Variants in SANBR observed in about 807,000 individuals in gnomAD.
SANBR encodes the protein SANT and BTB domain regulator of class switch recombination.
SANBR carries 77 observed loss-of-function variants against 101.8 expected under a neutral mutation model. That is an observed-to-expected ratio of 0.76 (90% confidence interval 0.63 to 0.91). The LOEUF is 0.91. Among genes scored for constraint, SANBR ranks in the 40% least tolerant of loss-of-function variants. The probability of loss-of-function intolerance (pLI) is 0.00; values close to 1 mark genes in which losing one functional copy is unlikely to be tolerated. For missense variants in SANBR, 875 were observed against 853.0 expected, an observed-to-expected ratio of 1.03 and a Z score of -0.32; for synonymous variants, 279 against 274.7, an observed-to-expected ratio of 1.02 and a Z score of -0.15.
Position 61,083,224 on chromosome 2 carries a change from G to A in SANBR, c.800G>A (p.Cys267Tyr). ...GTAGCTACCCCATGCAACATGAACTGTATTAATGCAAATCTTCTCACACGT... is the reference window on the plus strand; with the variant it reads ...GTAGCTACCCCATGCAACATGAACTATATTAATGCAAATCTTCTCACACGT... The part of the protein sequence containing the change: ...AIVATPCNMN[C>Y]INANLLTRIA... The change falls in exon 8 of 22, where the codon TGT becomes TAT. Residue 267 changes from cysteine to tyrosine, a missense_variant. Coordinates refer to ENST00000402291, the MANE Select transcript of SANBR (RefSeq NM_001129993.3). The A allele has an allele frequency of 6.2e-7, 1 of 1,610,512 alleles. No individual in the cohort carries two copies. The highest frequency in any genetic ancestry group is 8.5e-7 in the Non-Finnish European group (1 of 1,176,872).
At chr2:61,117,702 G>A (rs1479893197) in intron 19 of SANBR, among the ~76,000 whole-genome samples, 162 bp downstream of exon 19, 1 of 152,176 alleles carries the variant, frequency 6.6e-6, no homozygotes, top group East Asian at 1.9e-4. Flanking sequence ...TTCATTACTA[G>A]ACAACCCCAC....
chr2:61,098,948 G>C lies in SANBR; in HGVS notation c.1365+1096G>C, dbSNP rs146348328. Among the ~76,000 whole-genome samples, 806 of 152,318 alleles carry C rather than the reference G, an allele frequency of 5.3e-3. 2 individuals are homozygous for C. The highest frequency in any genetic ancestry group is 0.019 in the African/African-American group (785 of 41,574). On this transcript the variant is annotated intron_variant, in intron 12 of 21. Transcript: ENST00000402291. Reference sequence around the variant, plus strand: ...GGCCATAAATGTCTGTAATAGGCTGGTATGATTCAGCCATAGATGTCAAGG... The same window carrying C: ...GGCCATAAATGTCTGTAATAGGCTGCTATGATTCAGCCATAGATGTCAAGG...
chr2:61,129,007 A>T (rs1345756185), downstream of SANBR, among the ~76,000 whole-genome samples: 1 of 152,214 alleles, frequency 6.6e-6, no homozygotes, highest in Admixed American at 6.5e-5. Context: ...AAAGTGCTCA[A>T]AGAAAAATCT....
intron 8 of SANBR, among the ~76,000 whole-genome samples, chr2:61,085,087 C>A (rs1682349921): frequency 6.6e-6 from 1 of 152,090 alleles, no homozygotes; most frequent in Non-Finnish European, 1.5e-5. Context: ...CTTGGACATT[C>A]AAGTGGGATG....
intron 19 of SANBR, among the ~76,000 whole-genome samples, 183 bp downstream of exon 19, chr2:61,117,723 A>G (rs72809474): frequency 0.093 from 14,101 of 152,256 alleles, 848 homozygotes; most frequent in Middle Eastern, 0.17. Flanking sequence ...TGAATAATGT[A>G]TTATTTTATG....
At chr2:61,107,074 G>A (rs1257751085) in intron 14 of SANBR, among the ~76,000 whole-genome samples, 1 of 151,768 alleles carries the variant, frequency 6.6e-6, no homozygotes, top group Non-Finnish European at 1.5e-5. Context: ...AGGCTGAGGT[G>A]GGAAGATTGC....
At chr2:61,093,194 G>C (rs1363363013) in intron 11 of SANBR, 3 of 152,168 alleles carry the variant, frequency 2.0e-5, no homozygotes, top group Non-Finnish European at 2.9e-5. Context: ...CAATGGTGCT[G>C]TTAAACATTT....
At chr2:61,100,538 G>A (rs946431554) in intron 12 of SANBR, among the ~76,000 whole-genome samples, 1 of 152,174 alleles carries the variant, frequency 6.6e-6, no homozygotes, top group African/African-American at 2.4e-5. Flanking sequence ...TATTAATTTC[G>A]ACAAGAGGGA....
At chr2:61,134,120 T>C (rs1388357519) in intron 20 of SANBR, 1 of 1,613,968 alleles carries the variant, frequency 6.2e-7, no homozygotes, top group Non-Finnish European at 8.5e-7. Context: ...GTAGTGTTAT[T>C]ATCTGCTTTT....
At chr2:61,117,331 C>T (rs987065751) in intron 17 of SANBR, 26 bp from the exon 18 acceptor site, 53 of 1,607,272 alleles carry the variant, frequency 3.3e-5, no homozygotes, top group Non-Finnish European at 4.3e-5. Flanking sequence ...TCTAATTGGG[C>T]CTTAATGTTG....
chr2:61,121,877 C>A (rs1684343791), intron 21 of SANBR, among the ~76,000 whole-genome samples: 1 of 152,172 alleles, frequency 6.6e-6, no homozygotes, highest in Non-Finnish European at 1.5e-5. Context: ...ATTCATCCCA[C>A]TTATATTTGA....
intron 10 of SANBR, chr2:61,088,846 G>A: frequency 1.0e-6 from 1 of 970,470 alleles, no homozygotes; most frequent in Non-Finnish European, 1.2e-6. Flanking sequence ...TGAATTTCTA[G>A]CATATTTATA....
At chr2:61,078,849 G>C (rs950229172) in intron 6 of SANBR, among the ~76,000 whole-genome samples, 1 of 149,570 alleles carries the variant, frequency 6.7e-6, no homozygotes, top group Non-Finnish European at 1.5e-5. Context: ...GACCAGCCTG[G>C]CCAACATGGC....
Position 61,124,117 on chromosome 2 carries a change from T to C in SANBR, c.*1955T>C. Reference sequence around the variant, plus strand: ...CTCAATTTAAAACAAAAAAAGAATGTGTTTTTAATTTTGTTAATGTTTGTC... The same window carrying C: ...CTCAATTTAAAACAAAAAAAGAATGCGTTTTTAATTTTGTTAATGTTTGTC... On this transcript the variant is annotated 3_prime_UTR_variant, in exon 22 of 22. Coordinates refer to ENST00000402291, the MANE Select transcript of SANBR (RefSeq NM_001129993.3). 3.1e-6 allele frequency: 3 copies of C among 968,930 alleles called. No individual in the cohort carries two copies. The highest frequency in any genetic ancestry group is 3.7e-6 in the Non-Finnish European group (3 of 814,800). 60.0% of individuals were successfully genotyped at this position (968,930 alleles called of 1,614,324 possible).
At chr2:61,087,806 G>A (rs1036530746) in intron 8 of SANBR, among the ~76,000 whole-genome samples, 7 of 151,424 alleles carry the variant, frequency 4.6e-5, no homozygotes, top group African/African-American at 1.5e-4. Flanking sequence ...AGCAGAGATC[G>A]TGCTGTTGAA....
intron 19 of SANBR, 43 bp from the exon 20 acceptor site, chr2:61,117,984 AT>A: frequency 1.4e-6 from 2 of 1,432,122 alleles, no homozygotes; most frequent in South Asian, 2.4e-5. Flanking sequence ...AAAGTTATAT[AT>A]CATCCTTATG....
intron 6 of SANBR, 44 bp from the exon 7 acceptor site, chr2:61,081,407 TG>T (rs1319240821): frequency 6.5e-7 from 1 of 1,550,134 alleles, no homozygotes; most frequent in Non-Finnish European, 8.7e-7. Context: ...CAGAGGAGAT[TG>T]GGGTACCCAT....
chr2:61,108,461 T>A, intron 15 of SANBR, 112 bp downstream of exon 15: 1 of 627,610 alleles, frequency 1.6e-6, no homozygotes, highest in Non-Finnish European at 2.7e-6. Flanking sequence ...TAAATGTACA[T>A]CTTCCTTTTC....
intron 15 of SANBR, among the ~76,000 whole-genome samples, 185 bp from the exon 16 acceptor site, chr2:61,109,009 AAGT>A (rs1276028786): frequency 6.6e-6 from 1 of 152,184 alleles, no homozygotes; most frequent in Admixed American, 6.6e-5. Flanking sequence ...AAAATATATG[AAGT>A]AATGTAAGCC....
Sources: allele counts gnomAD v4.1 joint callset (sites outside exome capture counted in the v4.1 genomes callset), GRCh38; gene constraint gnomAD v4.1.1; transcripts MANE v1.5; gene names NCBI Gene and HGNC (gene_info 2026-07-23, HGNC 2026-07-21).